Variants in PRMT9 observed in about 807,000 individuals in gnomAD.
The protein encoded by PRMT9 is protein arginine methyltransferase 9.
PRMT9 carries 59 observed loss-of-function variants against 83.2 expected under a neutral mutation model. The ratio of observed to expected loss-of-function variants is 0.71; its 90% CI spans 0.57 to 0.88. The LOEUF is 0.88. Among genes scored for constraint, PRMT9 ranks in the 40% least tolerant of loss-of-function variants. The probability of loss-of-function intolerance (pLI) is 0.00; values close to 1 mark genes in which losing one functional copy is unlikely to be tolerated. For synonymous variants in PRMT9, 333 were observed against 353.2 expected (o/e 0.94, Z 0.64); for missense variants, 947 against 1,021.9 (o/e 0.93, Z 1.00).
chr4:147,661,317 G>C (rs1314833256), intron 6 of PRMT9: 2 of 339,266 alleles, frequency 5.9e-6, no homozygotes, highest in East Asian at 5.2e-5. Flanking sequence ...TAAGATATTT[G>C]TAATAACTAT....
At chr4:147,663,303 C>T (rs1438541525) in intron 6 of PRMT9, among the ~76,000 whole-genome samples, 2 of 152,002 alleles carry the variant, frequency 1.3e-5, no homozygotes, top group Non-Finnish European at 2.9e-5. Flanking sequence ...CCACCGCGCC[C>T]AGCCTACTAT....
Position 147,642,929 on chromosome 4 carries a change from T to C in PRMT9, c.2057A>G (p.Gln686Arg), listed in dbSNP as rs765484865. 34 of 1,613,956 alleles carry C rather than the reference T, an allele frequency of 2.1e-5. No individual in the cohort carries two copies. Among genetic ancestry groups the C allele is most frequent in the Non-Finnish European group, 2.7e-5 (32 of 1,179,974 alleles). ...CTGAGGAAAGATCTTGCCTCCAGAT[T>C]GTAGTAAACACCTAAGAAAAAAAGT... ...EKAAISRCLL[Q>R]SGGKIFPQYV... Residue 686 changes from glutamine to arginine, a missense_variant, in exon 10 of 12, where the codon CAA (glutamine) becomes CGA (arginine). Coordinates refer to ENST00000322396, the MANE Select transcript of PRMT9 (RefSeq NM_138364.4).
In PRMT9 at chr4:147,680,475, T is replaced by C. The variant is rs766667971; in HGVS notation, c.190-4A>G. 6 of 1,607,646 alleles carry C rather than the reference T, an allele frequency of 3.7e-6. No individual in the cohort carries two copies. The highest frequency in any genetic ancestry group is 5.1e-6 in the Non-Finnish European group (6 of 1,174,948). On this transcript the variant is annotated splice_polypyrimidine_tract_variant and splice_region_variant and intron_variant, in intron 1 of 11. Transcript: ENST00000322396. Reference sequence around the variant, plus strand: ...AAAGTGTGTACTGAAAAGTTTCCTTTACAAATAAGAAAAAAATTATGAATT... The same window carrying C: ...AAAGTGTGTACTGAAAAGTTTCCTTCACAAATAAGAAAAAAATTATGAATT...
intron 9 of PRMT9, among the ~76,000 whole-genome samples, chr4:147,643,758 G>A (rs1218607371): frequency 6.6e-6 from 1 of 152,220 alleles, no homozygotes; most frequent in Non-Finnish European, 1.5e-5. Context: ...ACTTTGGGAG[G>A]CCAAGGTGAG....
chr4:147,684,005 T>G lies in PRMT9; in HGVS notation c.-18A>C, dbSNP rs1478685955. 4 of 1,611,370 alleles carry G rather than the reference T, an allele frequency of 2.5e-6. No homozygotes were observed. In the Admixed American group the frequency reaches 6.7e-5, roughly 27 times the overall value. On this transcript the variant is annotated 5_prime_UTR_variant, in exon 1 of 12. Coordinates refer to ENST00000322396, the MANE Select transcript of PRMT9 (RefSeq NM_138364.4). The stretch of plus-strand genomic sequence containing the variant: ...TTCGACATGGCAGTCACCACTTGTA[T>G]GGCCAAAGGGAAGATATTTTGTAAA...
At chr4:147,666,879 TTCAA>T (rs1735382391) in intron 6 of PRMT9, among the ~76,000 whole-genome samples, 5 of 151,666 alleles carry the variant, frequency 3.3e-5, no homozygotes, top group Admixed American at 3.3e-4. Flanking sequence ...CCTACACCTA[TTCAA>T]TCAAACTGTA....
At chr4:147,670,105 GTA>G (rs1167677667) in intron 5 of PRMT9, among the ~76,000 whole-genome samples, 2 of 152,162 alleles carry the variant, frequency 1.3e-5, no homozygotes, top group African/African-American at 2.4e-5. Flanking sequence ...ATTTTTGCCT[GTA>G]TATCTCATTC....
intron 9 of PRMT9, among the ~76,000 whole-genome samples, chr4:147,652,108 AC>A (rs1418156769): frequency 6.6e-6 from 1 of 152,184 alleles, no homozygotes; most frequent in Non-Finnish European, 1.5e-5. Context: ...AAAAACAAAA[AC>A]AAAAGAAGAT....
At chr4:147,671,964 G>C (rs1413950712) in intron 4 of PRMT9, 3 of 449,908 alleles carry the variant, frequency 6.7e-6, no homozygotes, top group African/African-American at 6.1e-5. Flanking sequence ...ATCCTCACAA[G>C]AAACCAAACT....
intron 10 of PRMT9, among the ~76,000 whole-genome samples, chr4:147,639,640 G>A (rs1733247960): frequency 1.3e-5 from 2 of 152,106 alleles, no homozygotes; most frequent in Non-Finnish European, 2.9e-5. Flanking sequence ...AGGATCCCCA[G>A]ATGTTTCCAA....
intron 1 of PRMT9, 21 bp from the exon 2 acceptor site, chr4:147,680,492 T>A (rs949982872): frequency 4.5e-6 from 7 of 1,562,952 alleles, no homozygotes; most frequent in Non-Finnish European, 6.2e-6. Flanking sequence ...AAGAAAAAAA[T>A]TATGAATTAG....
At chr4:147,675,275 C>T (rs1735997691) in intron 2 of PRMT9, among the ~76,000 whole-genome samples, 1 of 152,096 alleles carries the variant, frequency 6.6e-6, no homozygotes, top group Non-Finnish European at 1.5e-5. Flanking sequence ...CCACCGTGCC[C>T]AGCTAGAGAA....
intron 8 of PRMT9, among the ~76,000 whole-genome samples, chr4:147,656,986 T>C (rs938421542): frequency 6.6e-6 from 1 of 150,952 alleles, no homozygotes; most frequent in African/African-American, 2.4e-5. Context: ...ACCCATCGAA[T>C]CACTGTAAAA....
chr4:147,650,740 A>G (rs780476420), intron 9 of PRMT9, among the ~76,000 whole-genome samples: 11 of 152,206 alleles, frequency 7.2e-5, no homozygotes, highest in Non-Finnish European at 1.2e-4. Flanking sequence ...ACAAACTACA[A>G]AGCAACAGCA....
At chr4:147,661,480 CCAGGAAATGGAGTTAAAAT>C (rs1325215132) in intron 6 of PRMT9, among the ~76,000 whole-genome samples, 1 of 151,988 alleles carries the variant, frequency 6.6e-6, no homozygotes, top group African/African-American at 2.4e-5. Flanking sequence ...CAACAGCCAC[CCAGGAAATGGAGTTAAAAT>C]CACAATGCAG....
chr4:147,660,734 A>G (rs1348465213), intron 7 of PRMT9, 112 bp downstream of exon 7: 1 of 682,782 alleles, frequency 1.5e-6, no homozygotes, highest in Non-Finnish European at 2.6e-6. Context: ...CTTTACATAC[A>G]ATAAGTGGAA....
At position 147,653,885 on chromosome 4, in the gene PRMT9, T is replaced by A. The variant is rs1260167973; in HGVS notation, c.2012A>T (p.Gln671Leu). Residue 671 changes from glutamine (Q) to leucine (L), a missense_variant, in exon 9 of 12, where the codon CAG (glutamine) becomes CTG (leucine). Transcript: ENST00000322396. ...LDVIEPSGLI[Q>L]QEIMEKAAIS... Reference sequence around the variant, plus strand: ...TGCAGCTTTTTCCATTATTTCCTGCTGAATGAGCCCAGATGGCTCAATGAC... The same window carrying A: ...TGCAGCTTTTTCCATTATTTCCTGCAGAATGAGCCCAGATGGCTCAATGAC... 6.2e-7 allele frequency: 1 copy of A among 1,614,026 alleles called. No homozygotes were observed. Among genetic ancestry groups the A allele is most frequent in the African/African-American group, 1.3e-5 (1 of 74,946 alleles).
intron 6 of PRMT9, among the ~76,000 whole-genome samples, chr4:147,666,005 G>C (rs1014287418): frequency 3.9e-5 from 6 of 152,150 alleles, no homozygotes; most frequent in African/African-American, 1.4e-4. Context: ...AACATCTTTA[G>C]TGTTGCTAGA....
chr4:147,658,194 G>GAT (rs959919331), intron 7 of PRMT9, among the ~76,000 whole-genome samples: 5 of 151,412 alleles, frequency 3.3e-5, no homozygotes, highest in Admixed American at 6.6e-5. Context: ...GAATGAAGCA[G>GAT]ATATATATTG....
Sources: gnomAD v4.1 joint callset for allele counts (sites outside exome capture counted in the v4.1 genomes callset) on GRCh38, gnomAD v4.1.1 for gene constraint, MANE v1.5 for transcripts, NCBI Gene and HGNC (gene_info 2026-07-23, HGNC 2026-07-21) for gene names.